PCNX3: variants seen among roughly 807,000 people sequenced by gnomAD.
PCNX3 encodes pecanex-like protein 3.
PCNX3 carries 58 observed loss-of-function variants against 207.2 expected under a neutral mutation model. The ratio of observed to expected loss-of-function variants is 0.28; its 90% CI spans 0.23 to 0.35. PCNX3 has a LOEUF of 0.35. Ranked by LOEUF, PCNX3 falls within the 10% of genes least tolerant of loss-of-function variation. The pLI is 1.00. For synonymous variants in PCNX3, 1,337 were observed against 1,183.5 expected (o/e 1.13, Z -2.66); for missense variants, 2,410 against 2,774.4 (o/e 0.87, Z 2.95).
rs770528934 is a variant in PCNX3 at position 65,618,034 on chromosome 11, A to T, written c.672A>T (p.Gly224=). The change falls in exon 6 of 35, where the codon GGA becomes GGT. Residue 224 remains glycine (G), a synonymous_variant. Transcript: ENST00000355703. ...SSEPSPLAGD[G]APWSGSSMAD... is the part of the protein sequence containing the mutation. ...AGCCTTCTCCCCTGGCTGGAGATGG[A>T]GCGCCCTGGAGTGGGAGCAGCATGG... 1.2e-6 allele frequency: 2 copies of T among 1,607,016 alleles called. No homozygotes were observed. Among genetic ancestry groups the T allele is most frequent in the Non-Finnish European group, 8.5e-7 (1 of 1,177,206 alleles).
Position 65,635,117 on chromosome 11 carries a change from C to T in PCNX3, c.4950C>T (p.His1650=), listed in dbSNP as rs776657362. 8.7e-6 allele frequency: 14 copies of T among 1,612,956 alleles called. No homozygotes were observed. Among genetic ancestry groups the T allele is most frequent in the South Asian group, 2.2e-5 (2 of 90,972 alleles). The change falls in exon 30 of 35, where the codon CAC becomes CAT. Residue 1650 remains histidine, a synonymous_variant. Transcript: ENST00000355703. This position sits in a 1 kb window ranked among gnomAD's most constrained non-coding sequence, Gnocchi z 9.9. ...GGGTTCGCATGGCCCTCAAGCTTCACCAGGTTGGGGAGGGGTGTGCCCAGC... is the reference window on the plus strand; with the variant it reads ...GGGTTCGCATGGCCCTCAAGCTTCATCAGGTTGGGGAGGGGTGTGCCCAGC... ...APGVRMALKL[H]QDHFTSPDEY...
intron 8 of PCNX3, 25 bp from the exon 9 acceptor site, chr11:65,620,314 C>T (rs371100152): frequency 2.1e-5 from 33 of 1,600,814 alleles, no homozygotes; most frequent in Middle Eastern, 3.3e-4. Context: ...TGCCACGCTG[C>T]CTCATCTCCC....
At chr11:65,631,486 A>G (rs1008221545) in intron 27 of PCNX3, among the ~76,000 whole-genome samples, 7 of 152,144 alleles carry the variant, frequency 4.6e-5, no homozygotes, top group Non-Finnish European at 1.5e-5. Flanking sequence ...GCGAAACCCC[A>G]TCTCTACTAA....
Position 65,634,281 on chromosome 11 carries a change from G to T in PCNX3, c.4626G>T (p.Leu1542=). The change falls in exon 28 of 35, where the codon CTG becomes CTT. Residue 1542 remains leucine, a synonymous_variant. Coordinates refer to ENST00000355703, the MANE Select transcript of PCNX3 (RefSeq NM_032223.4). ...TGGATGAGGACTATGACCTCCGCCTGTCTGGCCTCTCGCTGCCCTCCTTTT... is the reference window on the plus strand; with the variant it reads ...TGGATGAGGACTATGACCTCCGCCTTTCTGGCCTCTCGCTGCCCTCCTTTT... ...LSVDEDYDLR[L]SGLSLPSFCA... 11 of 1,611,838 alleles carry T rather than the reference G, an allele frequency of 6.8e-6. No individual in the cohort carries two copies. Among genetic ancestry groups the T allele is most frequent in the Non-Finnish European group, 9.3e-6 (11 of 1,179,266 alleles).
chr11:65,617,561 G>A (rs772327165), intron 4 of PCNX3, 50 bp from the exon 5 acceptor site: 18 of 1,613,684 alleles, frequency 1.1e-5, no homozygotes, highest in Admixed American at 5.0e-5. Context: ...ACAGGGGCTG[G>A]CGTGCTGTGC....
intron 10 of PCNX3, among the ~76,000 whole-genome samples, chr11:65,621,788 C>T (rs533570005): frequency 2.6e-5 from 4 of 152,364 alleles, no homozygotes; most frequent in Admixed American, 1.3e-4. Flanking sequence ...GGCCTCAGGG[C>T]TGGCATTGGC....
chr11:65,634,968 C>T lies in PCNX3; in HGVS notation c.4806-5C>T. On this transcript the variant is annotated splice_polypyrimidine_tract_variant and splice_region_variant and intron_variant, in intron 29 of 34. Transcript: ENST00000355703. ...TCTCCCCTCCCTGTTTTTCCTCCCA[C>T]TTAGCCTGGAGCCCTTCCTCTACGG... 1.9e-6 allele frequency: 3 copies of T among 1,609,906 alleles called. No individual in the cohort carries two copies. The East Asian group carries it at 6.7e-5, about 36-fold the overall frequency.
At chr11:65,619,512 C>T (rs751870009) in intron 6 of PCNX3, 25 bp from the exon 7 acceptor site, 2 of 1,608,730 alleles carry the variant, frequency 1.2e-6, no homozygotes, top group Non-Finnish European at 1.7e-6. Flanking sequence ...CTGTCACTTA[C>T]ACTTGGGGGC....
In PCNX3 at chr11:65,622,347, C is replaced by T; in HGVS notation, c.2338C>T (p.Leu780=). ...WTSVRYERLA[L]LALLDRTRGV... ...CTCTGTGCGCTATGAGCGGCTTGCC[C>T]TGCTGGCTCTGCTGGACCGGTGAGT... The change falls in exon 11 of 35, where the codon CTG becomes TTG. Residue 780 remains leucine (L), a synonymous_variant. Transcript: ENST00000355703. 2.5e-6 allele frequency: 4 copies of T among 1,591,726 alleles called. No homozygotes were observed. Among genetic ancestry groups the T allele is most frequent in the Non-Finnish European group, 3.4e-6 (4 of 1,170,940 alleles).
In PCNX3 at chr11:65,625,167, G is replaced by A. The variant is rs372931343; in HGVS notation, c.2920-4G>A. On this transcript the variant is annotated splice_polypyrimidine_tract_variant and splice_region_variant and intron_variant, in intron 16 of 34. Coordinates refer to ENST00000355703, the MANE Select transcript of PCNX3 (RefSeq NM_032223.4). This position sits in a 1 kb window ranked among gnomAD's most constrained non-coding sequence, Gnocchi z 5.6. ...CCCCTGACCAGCATGGATTCTCTCC[G>A]CAGACTCCGTGGCCAGAGCAGCACG... 5.0e-6 allele frequency: 8 copies of A among 1,601,758 alleles called. No homozygotes were observed. In the African/African-American group the frequency reaches 6.7e-5, roughly 13 times the overall value.
At chr11:65,619,205 G>A in intron 6 of PCNX3, 138 bp downstream of exon 6, 2 of 825,074 alleles carry the variant, frequency 2.4e-6, no homozygotes, top group South Asian at 1.8e-5. Flanking sequence ...GGGCCTGGTG[G>A]TGATTGACAT....
In PCNX3 at chr11:65,624,717, C is replaced by T. The variant is rs1855290072; in HGVS notation, c.2827+136C>T. ...GCAGACTCAAGGTTTCTGCCTTCTC[C>T]CCTCTCCTTCCCTCCCCAGGCAAGT... is the stretch of plus-strand genomic sequence containing the variant. On this transcript the variant is annotated intron_variant, in intron 15 of 34. Transcript: ENST00000355703. 1.3e-5 allele frequency: 12 copies of T among 931,462 alleles called. No homozygotes were observed. The East Asian group carries it at 1.6e-4, about 12-fold the overall frequency. 57.7% of individuals were successfully genotyped at this position (931,462 alleles called of 1,614,324 possible).
chr11:65,627,352 A>C (rs1590891844), intron 21 of PCNX3, 53 bp from the exon 22 acceptor site: 1 of 1,566,476 alleles, frequency 6.4e-7, no homozygotes, highest in African/African-American at 1.3e-5. Context: ...GGACACCTAT[A>C]CCCACTGCCC....
intron 20 of PCNX3, 73 bp downstream of exon 20, chr11:65,626,127 CCT>C: frequency 6.5e-7 from 1 of 1,534,238 alleles, no homozygotes. Context: ...GAGCTGTGGT[CCT>C]CTCGGCTCAG....
In PCNX3 at chr11:65,634,141, G is replaced by T. The variant is rs1004896561; in HGVS notation, c.4486G>T (p.Val1496Leu). ...TYYVKSIIYYVSRSPKLEVWL... is the reference protein window; with the variant it reads ...TYYVKSIIYYLSRSPKLEVWL... ...CCTCTCCCAGAGCATCATCTACTAC[G>T]TGAGCCGCTCACCAAAGCTGGAGGT... The change falls in exon 28 of 35, where the codon GTG becomes TTG. Residue 1496 changes from valine (V) to leucine (L), a missense_variant. Transcript: ENST00000355703. 6.2e-7 allele frequency: 1 copy of T among 1,612,284 alleles called. No homozygotes were observed. The highest frequency in any genetic ancestry group is 8.5e-7 in the Non-Finnish European group (1 of 1,179,700).
In PCNX3 at chr11:65,636,699, C is replaced by T. The variant is rs1340969092; in HGVS notation, c.5892+10C>T. On this transcript the variant is annotated intron_variant, in intron 34 of 34. Coordinates refer to ENST00000355703, the MANE Select transcript of PCNX3 (RefSeq NM_032223.4). ...TACCCCCAAATCTCAGGTAAGGCAC[C>T]TGTGGGAGGGTTGGGTCCCAGAAGG... 3.2e-6 allele frequency: 5 copies of T among 1,571,006 alleles called. No individual in the cohort carries two copies. The highest frequency in any genetic ancestry group is 2.3e-5 in the East Asian group (1 of 42,862).
Position 65,616,355 on chromosome 11 carries a change from C to T in PCNX3, c.44C>T (p.Ala15Val). 1 of 1,608,160 alleles carries T rather than the reference C, an allele frequency of 6.2e-7. No homozygotes were observed. Among genetic ancestry groups the T allele is most frequent in the Non-Finnish European group, 8.5e-7 (1 of 1,178,900 alleles). The part of the protein sequence containing the change: ...VLQILRQGVW[A>V]SLTGGWFFDP... ...CAGATCCTGCGCCAGGGGGTGTGGG[C>T]CTCGCTCACCGGCGGTTGGTTCTTC... The change falls in exon 1 of 35, where the codon GCC becomes GTC. Residue 15 changes from alanine (A) to valine (V), a missense_variant. By Grantham distance (64) the Ala-to-Val change is moderately conservative (BLOSUM62 0). This residue lies in a region of PCNX3 where 1,104 missense variants were observed against 970.3 expected (regional missense o/e 1.14). Transcript: ENST00000355703.
chr11:65,629,824 G>T (rs1305898981), intron 26 of PCNX3, 89 bp downstream of exon 26: 2 of 1,368,606 alleles, frequency 1.5e-6, no homozygotes, highest in East Asian at 2.5e-5. Context: ...AGGAGGTCCA[G>T]TCCAGCTCTG....
chr11:65,620,547 C>G (rs1351380687), intron 9 of PCNX3, 118 bp downstream of exon 9: 17 of 1,154,340 alleles, frequency 1.5e-5, no homozygotes, highest in Non-Finnish European at 2.0e-5. Context: ...CAGCTCAGAT[C>G]TGCAGGGAGA....
Sources: gnomAD v4.1 joint callset for allele counts (sites outside exome capture counted in the v4.1 genomes callset) on GRCh38, gnomAD v4.1.1 for gene constraint, gnomAD v4.1.1 regional missense constraint, Gnocchi (gnomAD v3.1) non-coding constraint, MANE v1.5 for transcripts, NCBI Gene and HGNC (gene_info 2026-07-23, HGNC 2026-07-21) for gene names.